Variants in SIPA1L1 observed in about 807,000 individuals in gnomAD.
SIPA1L1 encodes the protein signal induced proliferation associated 1 like 1.
Under a neutral mutation model 162.7 loss-of-function variants are expected in SIPA1L1, and 26 were observed. The ratio of observed to expected loss-of-function variants is 0.16; its 90% CI spans 0.12 to 0.22. SIPA1L1 has a LOEUF of 0.22. SIPA1L1 is among the 10% of genes least tolerant of loss of function. The probability of loss-of-function intolerance (pLI) is 1.00; values close to 1 mark genes in which losing one functional copy is unlikely to be tolerated. For synonymous variants in SIPA1L1, 829 were observed against 837.4 expected, an observed-to-expected ratio of 0.99 and a Z score of 0.17; for missense variants, 1,874 against 2,241.0, an observed-to-expected ratio of 0.84 and a Z score of 3.31.
At chr14:71,350,824 G>T (rs1349098849) in intron 2 of SIPA1L1, among the ~76,000 whole-genome samples, 1 of 152,156 alleles carries the variant, frequency 6.6e-6, no homozygotes, top group Non-Finnish European at 1.5e-5. Context: ...GATTTCAACG[G>T]AATATTTAGT....
intron 2 of SIPA1L1, among the ~76,000 whole-genome samples, chr14:71,496,163 A>G (rs1018110102): frequency 6.6e-6 from 1 of 151,138 alleles, no homozygotes; most frequent in Non-Finnish European, 1.5e-5. Flanking sequence ...GTTTTTATTC[A>G]GTTTAAGGTA....
At chr14:71,654,668 CAAG>C (rs2042911601) in intron 8 of SIPA1L1, among the ~76,000 whole-genome samples, 1 of 152,038 alleles carries the variant, frequency 6.6e-6, no homozygotes, top group African/African-American at 2.4e-5. Context: ...ATGTGATTGT[CAAG>C]GAGGCAGATC....
intron 2 of SIPA1L1, among the ~76,000 whole-genome samples, chr14:71,472,440 G>A (rs752740605): frequency 1.7e-4 from 26 of 151,664 alleles, no homozygotes; most frequent in Non-Finnish European, 3.1e-4. Context: ...ATAAAAGATT[G>A]GGGGGAAATA....
At chr14:71,432,768 T>G (rs1436460950) in intron 2 of SIPA1L1, among the ~76,000 whole-genome samples, 1 of 152,246 alleles carries the variant, frequency 6.6e-6, no homozygotes, top group African/African-American at 2.4e-5. Context: ...AATGTTTGAT[T>G]GTACAACATG....
intron 5 of SIPA1L1, among the ~76,000 whole-genome samples, chr14:71,611,552 C>T (rs2038217049): frequency 6.6e-6 from 1 of 152,020 alleles, no homozygotes; most frequent in South Asian, 2.1e-4. Flanking sequence ...CCTAATCCTC[C>T]CCTTGACCCC....
In SIPA1L1 at chr14:71,537,374, G is replaced by A. The variant is rs139254007; in HGVS notation, c.-303+8004G>A. On this transcript the variant is annotated intron_variant, in intron 4 of 23. Coordinates refer to ENST00000381232, the MANE Select transcript of SIPA1L1 (RefSeq NM_001386936.1). ...TGCCACCAGGCCCGGCTAATTTTTG[G>A]TATTTTTTTTAGTAGGGACAGGGTT... Among the ~76,000 whole-genome samples the A allele has an allele frequency of 1.6e-4, 24 of 151,824 alleles. No individual in the cohort carries two copies. In the East Asian group the frequency reaches 4.3e-3, roughly 27 times the overall value.
At chr14:71,631,538 A>G (rs1265565686) in intron 7 of SIPA1L1, among the ~76,000 whole-genome samples, 1 of 152,212 alleles carries the variant, frequency 6.6e-6, no homozygotes, top group African/African-American at 2.4e-5. Context: ...CTTTATTATC[A>G]ACTTAATACC....
intron 2 of SIPA1L1, among the ~76,000 whole-genome samples, chr14:71,323,165 TTAAAAAACACTTTC>T (rs1407149104): frequency 6.6e-6 from 1 of 152,252 alleles, no homozygotes; most frequent in Non-Finnish European, 1.5e-5. Flanking sequence ...TTAGGAACTT[TTAAAAAACACTTTC>T]TAGTGAGTTT....
chr14:71,673,966 G>C (rs1338266036), intron 12 of SIPA1L1, among the ~76,000 whole-genome samples: 1 of 152,218 alleles, frequency 6.6e-6, no homozygotes, highest in African/African-American at 2.4e-5. Flanking sequence ...CAGAAAGGCA[G>C]TGGGGTTCTT....
intron 17 of SIPA1L1, among the ~76,000 whole-genome samples, chr14:71,714,731 A>T (rs892089042): frequency 6.6e-6 from 1 of 152,038 alleles, no homozygotes; most frequent in African/African-American, 2.4e-5. Flanking sequence ...ATAGGCATGC[A>T]CCACTATGCT....
rs147210037 is a variant in SIPA1L1, at chr14:71,588,314, A to G, written c.442A>G (p.Asn148Asp). ...GAAAAACAAGACAAGACCGTCGGAG[A>G]ACATGGACTCCAGATTTCTCATGCC... ...TLKNKTRPSE[N>D]MDSRFLMPEA... The change falls in exon 5 of 24, where the codon AAC (asparagine) becomes GAC (aspartate). Residue 148 changes from asparagine to aspartate, a missense_variant. By Grantham distance (23) the Asn-to-Asp change is conservative. Around this residue, in one of 5 missense-constraint regions of SIPA1L1, gnomAD observed 685 missense variants for 828.0 expected, o/e 0.83. Transcript: ENST00000381232. The surrounding 1 kb of genome is among the most constrained non-coding windows in gnomAD (Gnocchi z 4.3). The G allele has an allele frequency of 1.2e-6, 2 of 1,613,856 alleles. 1 individual carries two copies. The highest frequency in any genetic ancestry group is 4.5e-5 in the East Asian group (2 of 44,860).
intron 7 of SIPA1L1, among the ~76,000 whole-genome samples, chr14:71,637,190 A>C (rs994052619): frequency 2.0e-5 from 3 of 151,874 alleles, no homozygotes; most frequent in Non-Finnish European, 4.4e-5. Flanking sequence ...AAAATTGAAA[A>C]TCCTCTAACA....
At chr14:71,657,833 G>A (rs920295476) in intron 8 of SIPA1L1, among the ~76,000 whole-genome samples, 3 of 152,008 alleles carry the variant, frequency 2.0e-5, no homozygotes, top group Non-Finnish European at 4.4e-5. Context: ...TTGAAATTTA[G>A]CATTTCTGTT....
chr14:71,418,363 A>T (rs879501090), intron 2 of SIPA1L1, among the ~76,000 whole-genome samples: 4 of 152,178 alleles, frequency 2.6e-5, no homozygotes, highest in Admixed American at 6.5e-5. Flanking sequence ...TCATATATTT[A>T]AAATTTGCTA....
chr14:71,434,554 C>G (rs867286405), intron 2 of SIPA1L1, among the ~76,000 whole-genome samples: 2 of 152,218 alleles, frequency 1.3e-5, no homozygotes, highest in South Asian at 4.2e-4. Flanking sequence ...TCCAGAAATG[C>G]CACATTTCAT....
intron 4 of SIPA1L1, among the ~76,000 whole-genome samples, chr14:71,552,453 A>T (rs1388657856): frequency 6.7e-6 from 1 of 150,100 alleles, no homozygotes; most frequent in East Asian, 2.0e-4. Context: ...TTGCAGTGGC[A>T]CAATCTCGGC....
intron 2 of SIPA1L1, among the ~76,000 whole-genome samples, chr14:71,405,742 C>T (rs1054372397): frequency 1.2e-4 from 18 of 152,162 alleles, no homozygotes; most frequent in African/African-American, 4.1e-4. Flanking sequence ...GATACTTTGG[C>T]TACTGCTACT....
At chr14:71,506,540 C>T (rs1311954786) in intron 2 of SIPA1L1, among the ~76,000 whole-genome samples, 1 of 151,996 alleles carries the variant, frequency 6.6e-6, no homozygotes, top group African/African-American at 2.4e-5. Context: ...GGGGTTTTAC[C>T]ATGTTGGCCA....
At chr14:71,346,668 AAAG>A (rs1377819820) in intron 2 of SIPA1L1, among the ~76,000 whole-genome samples, 1 of 152,220 alleles carries the variant, frequency 6.6e-6, no homozygotes, top group Non-Finnish European at 1.5e-5. Context: ...GGTCATTGGA[AAAG>A]AAGCCAGATT....
Sources: allele counts gnomAD v4.1 joint callset (sites outside exome capture counted in the v4.1 genomes callset), GRCh38; gene constraint gnomAD v4.1.1; regional missense constraint gnomAD v4.1.1; non-coding constraint Gnocchi (gnomAD v3.1); transcripts MANE v1.5; gene names NCBI Gene and HGNC (gene_info 2026-07-23, HGNC 2026-07-21).